The following HDAC9 variants were observed in gnomAD, a reference collection of about 807,000 sequenced individuals.
The protein encoded by HDAC9 is MEF-2 interacting transcription repressor (MITR) protein.
HDAC9 carries 41 observed loss-of-function variants against 139.4 expected under a neutral mutation model. That is an observed-to-expected ratio of 0.29 (90% CI 0.23 to 0.38). The LOEUF is 0.38. Ranked by LOEUF, HDAC9 falls within the 10% of genes least tolerant of loss-of-function variation. The probability of loss-of-function intolerance (pLI) is 1.00; values close to 1 mark genes in which losing one functional copy is unlikely to be tolerated. For synonymous variants in HDAC9, 517 were observed against 476.2 expected (o/e 1.09, Z -1.12); for missense variants, 1,147 against 1,297.0 (o/e 0.88, Z 1.78).
intron 1 of HDAC9, among the ~76,000 whole-genome samples, chr7:18,367,670 C>T (rs532476367): frequency 6.6e-6 from 1 of 152,078 alleles, no homozygotes; most frequent in South Asian, 2.1e-4. Flanking sequence ...TTTTCTGGTA[C>T]ATGTATGGGT....
intron 16 of HDAC9, 104 bp downstream of exon 16, chr7:18,767,259 A>G (rs1789910855): frequency 3.4e-6 from 2 of 579,766 alleles, no homozygotes. Context: ...AGTAAAAGTT[A>G]TGCTAGACTT....
intron 6 of HDAC9, among the ~76,000 whole-genome samples, chr7:18,620,261 A>G (rs571380043): frequency 3.3e-5 from 5 of 152,286 alleles, no homozygotes; most frequent in African/African-American, 1.2e-4. Flanking sequence ...AATGTAATTA[A>G]ACAATAGATC....
At chr7:18,838,432 T>C (rs1009095978) in intron 21 of HDAC9, among the ~76,000 whole-genome samples, 1 of 152,002 alleles carries the variant, frequency 6.6e-6, no homozygotes, top group Non-Finnish European at 1.5e-5. Flanking sequence ...TCATACTGAC[T>C]GGGCAGAGAG....
At chr7:18,884,715 A>G (rs929745163) in intron 22 of HDAC9, among the ~76,000 whole-genome samples, 9 of 152,174 alleles carry the variant, frequency 5.9e-5, no homozygotes, top group Non-Finnish European at 1.0e-4. Flanking sequence ...TGATGTTTTT[A>G]GTCAGTTGGG....
At chr7:18,566,926 G>T (rs2128727341) in intron 2 of HDAC9, among the ~76,000 whole-genome samples, 1 of 152,298 alleles carries the variant, frequency 6.6e-6, no homozygotes, top group East Asian at 1.9e-4. Context: ...ACAGAGGAAG[G>T]ATGTACCATA....
At chr7:18,462,774 T>C (rs1180614781) in intron 1 of HDAC9, among the ~76,000 whole-genome samples, 1 of 152,066 alleles carries the variant, frequency 6.6e-6, no homozygotes, top group Non-Finnish European at 1.5e-5. Context: ...GACAATTTAC[T>C]TACCACTTTA....
At chr7:18,443,930 G>GTATA (rs35425628) in intron 1 of HDAC9, among the ~76,000 whole-genome samples, 1 of 150,808 alleles carries the variant, frequency 6.6e-6, no homozygotes, top group Non-Finnish European at 1.5e-5. Context: ...TTATATATAT[G>GTATA]TATATATATG....
intron 2 of HDAC9, among the ~76,000 whole-genome samples, chr7:18,232,363 C>G (rs946346525): frequency 2.6e-5 from 4 of 152,110 alleles, no homozygotes; most frequent in African/African-American, 9.7e-5. Flanking sequence ...ACTGTAGTCC[C>G]AACACTTCCT....
chr7:18,385,370 CA>C (rs1172129150), intron 1 of HDAC9, among the ~76,000 whole-genome samples: 2 of 151,778 alleles, frequency 1.3e-5, no homozygotes, highest in Non-Finnish European at 2.9e-5. Context: ...ATAATAACAC[CA>C]TAAGAAATGA....
At chr7:18,123,961 A>G (rs1408440915) in intron 1 of HDAC9, among the ~76,000 whole-genome samples, 1 of 152,190 alleles carries the variant, frequency 6.6e-6, no homozygotes, top group African/African-American at 2.4e-5. Flanking sequence ...AGGAGAAAGA[A>G]TGAGGGGTGC....
intron 1 of HDAC9, among the ~76,000 whole-genome samples, chr7:18,139,332 G>T (rs537950311): frequency 6.6e-6 from 1 of 152,054 alleles, no homozygotes; most frequent in African/African-American, 2.4e-5. Context: ...TTGTCATGTT[G>T]CCCAGGCTGG....
At chr7:18,873,025 T>G (rs2129245184) in intron 21 of HDAC9, among the ~76,000 whole-genome samples, 1 of 152,246 alleles carries the variant, frequency 6.6e-6, no homozygotes, top group East Asian at 1.9e-4. Flanking sequence ...GAAAAACTTG[T>G]TTCAATCTCT....
At chr7:18,555,526 T>C (rs1028416094) in intron 2 of HDAC9, among the ~76,000 whole-genome samples, 2 of 152,088 alleles carry the variant, frequency 1.3e-5, no homozygotes, top group African/African-American at 4.8e-5. Context: ...CAAAATAATA[T>C]AGCTACAATA....
At chr7:18,502,831 C>T (rs1358447033) in intron 2 of HDAC9, among the ~76,000 whole-genome samples, 1 of 152,078 alleles carries the variant, frequency 6.6e-6, no homozygotes, top group Admixed American at 6.6e-5. Flanking sequence ...GGCCTCATGC[C>T]TTACAAGCAT....
intron 1 of HDAC9, among the ~76,000 whole-genome samples, chr7:18,465,931 G>A (rs1017150675): frequency 2.6e-5 from 4 of 152,120 alleles, no homozygotes; most frequent in Non-Finnish European, 4.4e-5. Flanking sequence ...AATTTAGCAG[G>A]TTAAAACAAC....
intron 6 of HDAC9, among the ~76,000 whole-genome samples, chr7:18,625,500 C>G (rs1455819134): frequency 1.3e-5 from 2 of 152,174 alleles, no homozygotes; most frequent in African/African-American, 4.8e-5. Context: ...TGTACCCATA[C>G]CAGATGCCTG....
At chr7:18,737,098 T>C (rs1005006490) in intron 13 of HDAC9, among the ~76,000 whole-genome samples, 2 of 152,236 alleles carry the variant, frequency 1.3e-5, no homozygotes, top group Admixed American at 1.3e-4. Flanking sequence ...TTTCATTTTT[T>C]ATTGCGTCTA....
At chr7:18,805,204 A>G (rs1402666010) in intron 17 of HDAC9, among the ~76,000 whole-genome samples, 4 of 152,230 alleles carry the variant, frequency 2.6e-5, no homozygotes, top group Admixed American at 1.3e-4. Flanking sequence ...GGGGAAGGAC[A>G]GTAAGGAAAT....
chr7:18,118,538 A>G (rs567056199), intron 1 of HDAC9, among the ~76,000 whole-genome samples: 7 of 152,288 alleles, frequency 4.6e-5, no homozygotes, highest in East Asian at 1.9e-4. Flanking sequence ...TTGCTTGACA[A>G]TTTCACTGTC....
Sources: gnomAD v4.1 joint callset for allele counts (sites outside exome capture counted in the v4.1 genomes callset) on GRCh38, gnomAD v4.1.1 for gene constraint, MANE v1.5 for transcripts, NCBI Gene and HGNC (gene_info 2026-07-23, HGNC 2026-07-21) for gene names.